Variants in ADAMTS2 observed in about 807,000 individuals in gnomAD.
ADAMTS2 encodes the protein ADAM metallopeptidase with thrombospondin type 1 motif 2.
ADAMTS2 carries 50 observed loss-of-function variants against 123.0 expected under a neutral mutation model. The observed-to-expected ratio is 0.41, with a 90% CI of 0.32 to 0.51. ADAMTS2 has a LOEUF of 0.51. Among genes scored for constraint, ADAMTS2 ranks in the 20% least tolerant of loss-of-function variants. ADAMTS2 has a pLI of 0.35. For synonymous variants in ADAMTS2, 678 were observed against 695.4 expected (o/e 0.98, Z 0.39); for missense variants, 1,494 against 1,705.2 (o/e 0.88, Z 2.18).
chr5:179,254,988 T>C (rs1044344647), intron 3 of ADAMTS2, among the ~76,000 whole-genome samples: 2 of 149,020 alleles, frequency 1.3e-5, no homozygotes, highest in African/African-American at 5.2e-5. Flanking sequence ...TGTAGATGAA[T>C]GGATGATGAA....
intron 10 of ADAMTS2, among the ~76,000 whole-genome samples, chr5:179,149,159 G>A (rs1212681925): frequency 6.6e-6 from 1 of 152,196 alleles, no homozygotes; most frequent in Non-Finnish European, 1.5e-5. Context: ...ATATGGTGAA[G>A]CCCTAACCCC....
At chr5:179,315,758 G>GA (rs1756973557) in intron 2 of ADAMTS2, among the ~76,000 whole-genome samples, 2 of 152,226 alleles carry the variant, frequency 1.3e-5, no homozygotes, top group Non-Finnish European at 2.9e-5. Flanking sequence ...CCACTGGAGA[G>GA]AGGGCTTGGT....
rs1278519448 is a variant in ADAMTS2 at position 179,136,535 on chromosome 5, A to G, written c.1952-493T>C. 3.3e-5 allele frequency among the ~76,000 whole-genome samples: 5 copies of G among 151,286 alleles called. No individual in the cohort carries two copies. The East Asian group carries it at 9.7e-4, about 29-fold the overall frequency. ...CAAAAATTAGCTGGGTGTGGTGGTG[A>G]GCGCCTGTAATCCCAGATACTTGGG... On this transcript the variant is annotated intron_variant, in intron 12 of 21. Transcript: ENST00000251582.
intron 3 of ADAMTS2, among the ~76,000 whole-genome samples, chr5:179,233,628 G>A (rs1271799604): frequency 3.9e-5 from 6 of 152,282 alleles, no homozygotes; most frequent in South Asian, 2.1e-4. Flanking sequence ...GAGAGGTTGC[G>A]GTGAGAGGAG....
intron 3 of ADAMTS2, among the ~76,000 whole-genome samples, chr5:179,265,467 G>A (rs555623018): frequency 5.3e-5 from 8 of 152,140 alleles, no homozygotes; most frequent in African/African-American, 9.7e-5. Flanking sequence ...ACCCTGGCAC[G>A]TCTCCACTGT....
chr5:179,314,255 C>T lies in ADAMTS2; in HGVS notation c.534+29512G>A, dbSNP rs1756914991. Among the ~76,000 whole-genome samples the T allele has an allele frequency of 6.6e-6, 1 of 152,240 alleles. No homozygotes were observed. The highest frequency in any genetic ancestry group is 2.4e-5 in the African/African-American group (1 of 41,468). On this transcript the variant is annotated intron_variant, in intron 2 of 21. Transcript: ENST00000251582. This position sits in a 1 kb window ranked among gnomAD's most constrained non-coding sequence, Gnocchi z 4.5. Reference sequence around the variant, plus strand: ...CCCACCGGGTCGGCCCTGTCCTTGTCTTGCTCAGCTCGGGGGAAGCACCTC... The same window carrying T: ...CCCACCGGGTCGGCCCTGTCCTTGTTTTGCTCAGCTCGGGGGAAGCACCTC...
rs577606426 is a variant in ADAMTS2, at chr5:179,129,568, C to G, written c.2457+364G>C. ...CAGTCCAGCTCAACCTGGGTCTGGG[C>G]ATCTAGCTTCCCAGACCCTGAGCGT... On this transcript the variant is annotated intron_variant, in intron 16 of 21. Coordinates refer to ENST00000251582, the MANE Select transcript of ADAMTS2 (RefSeq NM_014244.5). The surrounding 1 kb of genome is among the most constrained non-coding windows in gnomAD (Gnocchi z 4.1). Among the ~76,000 whole-genome samples, 6 of 152,300 alleles carry G rather than the reference C, an allele frequency of 3.9e-5. No homozygotes were observed. The highest frequency in any genetic ancestry group is 1.4e-4 in the African/African-American group (6 of 41,566).
At chr5:179,192,887 C>A (rs1486518565) in intron 4 of ADAMTS2, among the ~76,000 whole-genome samples, 1 of 152,202 alleles carries the variant, frequency 6.6e-6, no homozygotes, top group African/African-American at 2.4e-5. Flanking sequence ...TGCATTCTTG[C>A]TGATGCAACC....
chr5:179,179,364 C>T (rs1005376511), intron 5 of ADAMTS2, among the ~76,000 whole-genome samples: 4 of 151,744 alleles, frequency 2.6e-5, no homozygotes, highest in Admixed American at 2.0e-4. Context: ...TGGACAAAAT[C>T]GTTTTAGCTG....
In ADAMTS2 at chr5:179,190,085, A is replaced by T. The variant is rs980414097; in HGVS notation, c.892-8930T>A. The stretch of plus-strand genomic sequence containing the variant: ...TGTGGATCTTCAGTTGTTTCAGGCC[A>T]TCTGGATGTATATGTGCAGGTCACA... On this transcript the variant is annotated intron_variant, in intron 4 of 21. Coordinates refer to ENST00000251582, the MANE Select transcript of ADAMTS2 (RefSeq NM_014244.5). Among the ~76,000 whole-genome samples the T allele has an allele frequency of 1.4e-4, 22 of 152,312 alleles. No individual in the cohort carries two copies. In the Middle Eastern group the frequency reaches 0.01, roughly 71 times the overall value.
intron 5 of ADAMTS2, among the ~76,000 whole-genome samples, chr5:179,163,253 T>C (rs371811283): frequency 1.3e-5 from 2 of 152,224 alleles, no homozygotes; most frequent in South Asian, 2.1e-4. Context: ...GAAAAGTAAG[T>C]CCATCTTGTG....
At chr5:179,191,425 G>A (rs1466464604) in intron 4 of ADAMTS2, among the ~76,000 whole-genome samples, 2 of 152,106 alleles carry the variant, frequency 1.3e-5, no homozygotes, top group African/African-American at 2.4e-5. Flanking sequence ...GGCCCATCCC[G>A]TGACTGAGCT....
intron 4 of ADAMTS2, among the ~76,000 whole-genome samples, chr5:179,198,837 G>GAA (rs966397918): frequency 3.9e-5 from 5 of 127,720 alleles, no homozygotes; most frequent in Non-Finnish European, 5.1e-5. Flanking sequence ...CTATCTCAAG[G>GAA]AAAAAAAAAA....
At chr5:179,258,106 C>T (rs1344278333) in intron 3 of ADAMTS2, among the ~76,000 whole-genome samples, 1 of 152,150 alleles carries the variant, frequency 6.6e-6, no homozygotes, top group Non-Finnish European at 1.5e-5. Context: ...TGCTCTCATC[C>T]TGGGGGCTCT....
chr5:179,231,943 G>GA (rs58118969), intron 3 of ADAMTS2, among the ~76,000 whole-genome samples: 5 of 149,234 alleles, frequency 3.4e-5, no homozygotes, highest in Non-Finnish European at 3.0e-5. Flanking sequence ...AAAAGAAAAA[G>GA]AAAAAAAAAA....
At chr5:179,177,351 G>T (rs1453718323) in intron 5 of ADAMTS2, among the ~76,000 whole-genome samples, 1 of 152,190 alleles carries the variant, frequency 6.6e-6, no homozygotes, top group East Asian at 1.9e-4. Context: ...TTTTAGAAGT[G>T]AGACAGGTCT....
intron 2 of ADAMTS2, among the ~76,000 whole-genome samples, chr5:179,299,390 G>A (rs60533002): frequency 3.3e-5 from 2 of 59,780 alleles, no homozygotes; most frequent in Admixed American, 2.2e-4. Context: ...TCAGCCGGCC[G>A]TGGTGGCGGG....
At chr5:179,143,445 A>G (rs901127985) in intron 10 of ADAMTS2, among the ~76,000 whole-genome samples, 37 of 152,210 alleles carry the variant, frequency 2.4e-4, no homozygotes, top group Middle Eastern at 3.4e-3. Flanking sequence ...AAAAAAAAAA[A>G]AAGAAGAACT....
chr5:179,276,667 G>A (rs1314744624), intron 2 of ADAMTS2, among the ~76,000 whole-genome samples: 1 of 152,202 alleles, frequency 6.6e-6, no homozygotes, highest in Non-Finnish European at 1.5e-5. Flanking sequence ...CAGGCTGCTG[G>A]GGACACACAG....
Sources: allele counts gnomAD v4.1 joint callset (sites outside exome capture counted in the v4.1 genomes callset), GRCh38; gene constraint gnomAD v4.1.1; non-coding constraint Gnocchi (gnomAD v3.1); transcripts MANE v1.5; gene names NCBI Gene and HGNC (gene_info 2026-07-23, HGNC 2026-07-21).